The following IRAK1BP1 variants were observed in gnomAD, a reference collection of about 807,000 sequenced individuals.
IRAK1BP1 encodes the protein interleukin-1 receptor-associated kinase 1-binding protein 1.
IRAK1BP1 carries 24 observed loss-of-function variants against 28.0 expected under a neutral mutation model. The observed-to-expected ratio is 0.86, with a 90% CI of 0.62 to 1.20. IRAK1BP1 has a LOEUF of 1.20. Ranked by LOEUF, IRAK1BP1 falls within the 50% of genes most tolerant of loss-of-function variation. The pLI is 0.00. For missense variants in IRAK1BP1, 336 were observed against 316.7 expected (o/e 1.06, Z -0.46); for synonymous variants, 131 against 116.3 (o/e 1.13, Z -0.81).
At chr6:78,907,702 A>G (rs1164395749), downstream of IRAK1BP1, among the ~76,000 whole-genome samples, 2 of 152,078 alleles carry the variant, frequency 1.3e-5, no homozygotes, top group East Asian at 1.9e-4. Context: ...AACTGAGATA[A>G]CACTTGTTTT....
chr6:78,961,749 T>C, the IRAK1BP1 span: 1 of 1,611,988 alleles, frequency 6.2e-7, no homozygotes, highest in Non-Finnish European at 8.5e-7. Flanking sequence ...GATATGCCAC[T>C]ACTGTGCAAT....
At chr6:78,942,675 C>A (rs894611809) in intron 4 of IRAK1BP1, among the ~76,000 whole-genome samples, 3 of 152,182 alleles carry the variant, frequency 2.0e-5, no homozygotes, top group African/African-American at 7.2e-5. Context: ...GAGCAACTGA[C>A]ATTTAAACTG....
chr6:78,914,498 G>A (rs1172238272), intron 4 of IRAK1BP1, among the ~76,000 whole-genome samples: 2 of 152,210 alleles, frequency 1.3e-5, no homozygotes, highest in East Asian at 3.8e-4. Flanking sequence ...AAAGCATTAC[G>A]CAGTTGTAAT....
At chr6:78,929,772 T>G (rs1021954460) in intron 4 of IRAK1BP1, among the ~76,000 whole-genome samples, 1 of 152,170 alleles carries the variant, frequency 6.6e-6, no homozygotes, top group Admixed American at 6.5e-5. Context: ...AAGTGAACAT[T>G]GGGTTTGCTT....
intron 1 of IRAK1BP1, among the ~76,000 whole-genome samples, chr6:78,868,417 A>G (rs1236084071): frequency 6.6e-6 from 1 of 152,174 alleles, no homozygotes; most frequent in Non-Finnish European, 1.5e-5. Flanking sequence ...GTCCATTTTC[A>G]TTTTATAATG....
the IRAK1BP1 span, among the ~76,000 whole-genome samples, chr6:78,978,004 C>G: frequency 1.3e-5 from 2 of 152,026 alleles, no homozygotes; most frequent in African/African-American, 4.8e-5. Context: ...AATTTGTGTA[C>G]AAAACAAGGA....
At chr6:78,923,954 C>CA (rs1386683669) in intron 4 of IRAK1BP1, among the ~76,000 whole-genome samples, 1 of 151,976 alleles carries the variant, frequency 6.6e-6, no homozygotes, top group African/African-American at 2.4e-5. Context: ...TAAATGCCCA[C>CA]AAGAGAAAGC....
intron 4 of IRAK1BP1, among the ~76,000 whole-genome samples, chr6:78,912,184 T>C (rs1772444911): frequency 6.6e-6 from 1 of 152,156 alleles, no homozygotes; most frequent in African/African-American, 2.4e-5. Context: ...CTTTTTATTT[T>C]TCCTGGAAAA....
chr6:78,904,079 T>C (rs1229388002), downstream of IRAK1BP1, among the ~76,000 whole-genome samples: 1 of 152,244 alleles, frequency 6.6e-6, no homozygotes, highest in Non-Finnish European at 1.5e-5. Flanking sequence ...AGATACTGTT[T>C]ATGGCAAAGT....
intron 4 of IRAK1BP1, among the ~76,000 whole-genome samples, chr6:78,943,491 A>G (rs186124946): frequency 1.3e-5 from 2 of 152,352 alleles, no homozygotes; most frequent in East Asian, 1.9e-4. Context: ...GAAAGGGGGC[A>G]GATTATTAAA....
the IRAK1BP1 span, chr6:78,969,787 AAAAAAAAACCACATC>A: frequency 1.1e-6 from 1 of 873,168 alleles, no homozygotes; most frequent in East Asian, 2.6e-5. Flanking sequence ...ACTTACTAAG[AAAAAAAAACCACATC>A]AAACATCGAT....
chr6:78,941,014 C>T (rs2127677529), intron 4 of IRAK1BP1: 1 of 1,613,866 alleles, frequency 6.2e-7, no homozygotes. Context: ...TCCTTTTGGG[C>T]TTCCTACCTC....
the IRAK1BP1 span, among the ~76,000 whole-genome samples, chr6:78,964,040 A>T: frequency 6.6e-6 from 1 of 152,196 alleles, no homozygotes; most frequent in African/African-American, 2.4e-5. Flanking sequence ...AAAAATATCC[A>T]AGGCATTATA....
the IRAK1BP1 span, among the ~76,000 whole-genome samples, chr6:78,969,607 G>C: frequency 1.3e-5 from 2 of 151,996 alleles, no homozygotes; most frequent in Non-Finnish European, 2.9e-5. Flanking sequence ...TGAAAATAAA[G>C]TCAAATGTAA....
downstream of IRAK1BP1, among the ~76,000 whole-genome samples, chr6:78,951,134 C>A (rs1774118013): frequency 6.6e-6 from 1 of 152,000 alleles, no homozygotes; most frequent in African/African-American, 2.4e-5. Context: ...GTTAACAAGT[C>A]CTTGGAGATT....
intron 1 of IRAK1BP1, among the ~76,000 whole-genome samples, chr6:78,884,170 G>A (rs1326685347): frequency 1.3e-5 from 2 of 152,146 alleles, no homozygotes; most frequent in Middle Eastern, 3.4e-3. Flanking sequence ...TGAGTCAAAA[G>A]CTTTTAACTT....
intron 1 of IRAK1BP1, among the ~76,000 whole-genome samples, chr6:78,868,371 G>T (rs1238464563): frequency 1.3e-5 from 2 of 152,138 alleles, no homozygotes; most frequent in Admixed American, 6.5e-5. Flanking sequence ...AGTATGTTCC[G>T]CAAACAGTAA....
chr6:78,942,001 T>C lies in IRAK1BP1; in HGVS notation c.*68-3407T>C, dbSNP rs375194518. ...CTATAACTTAGATAAAGGAAAAATA[T>C]GCCACAGGAACTACCAGTAACTAAC... is the stretch of plus-strand genomic sequence containing the variant. On this transcript the variant is annotated intron_variant and NMD_transcript_variant, in intron 4 of 4. Coordinates refer to the IRAK1BP1 transcript ENST00000606868. Among the ~76,000 whole-genome samples, 10 of 151,884 alleles carry C rather than the reference T, an allele frequency of 6.6e-5. No individual in the cohort carries two copies. In the East Asian group the frequency reaches 1.2e-3, roughly 18 times the overall value.
intron 4 of IRAK1BP1, among the ~76,000 whole-genome samples, chr6:78,932,971 T>C (rs1486731545): frequency 1.3e-5 from 2 of 152,146 alleles, no homozygotes; most frequent in Admixed American, 6.5e-5. Flanking sequence ...AACCATGCTA[T>C]AAACAGATGG....
Sources: gnomAD v4.1 joint callset for allele counts (sites outside exome capture counted in the v4.1 genomes callset) on GRCh38, gnomAD v4.1.1 for gene constraint, MANE v1.5 for transcripts, NCBI Gene and HGNC (gene_info 2026-07-23, HGNC 2026-07-21) for gene names.